The following SUPT7L variants were observed in gnomAD, a reference collection of about 807,000 sequenced individuals.
SUPT7L encodes the protein SPT7 like, STAGA complex subunit gamma.
SUPT7L carries 15 observed loss-of-function variants against 35.7 expected under a neutral mutation model. The observed-to-expected ratio is 0.42, with a 90% CI of 0.28 to 0.65. The LOEUF (loss-of-function observed/expected upper bound fraction) is 0.65. SUPT7L is among the 30% of genes least tolerant of loss of function. SUPT7L has a pLI of 0.23. For synonymous variants in SUPT7L, 168 were observed against 186.2 expected (o/e 0.90, Z 0.79); for missense variants, 434 against 522.2 (o/e 0.83, Z 1.65).
intron 3 of SUPT7L, among the ~76,000 whole-genome samples, chr2:27,658,735 T>C (rs868476263): frequency 1.3e-5 from 2 of 152,236 alleles, no homozygotes; most frequent in African/African-American, 4.8e-5. Context: ...AGATAACTAA[T>C]TGCCAAGTAA....
rs1675219137 is a variant in SUPT7L, at chr2:27,663,470, G to A, written c.-231C>T. 2.7e-6 allele frequency: 1 copy of A among 369,112 alleles called. No individual in the cohort carries two copies. Among genetic ancestry groups the A allele is most frequent in the South Asian group, 2.7e-5 (1 of 36,870 alleles). The allele number at this position is 369,112 out of a possible 1,614,324, so 22.9% of individuals were successfully genotyped here. ...ACGTTCAGGGCAGCCGGAAGACGGG[G>A]AGGTCTGGACCTGAACCGAGACAAG... is the stretch of plus-strand genomic sequence containing the variant. On this transcript the variant is annotated 5_prime_UTR_variant, in exon 1 of 6. Transcript: ENST00000337768.
intron 1 of SUPT7L, 143 bp from the exon 2 acceptor site, chr2:27,662,424 T>C: frequency 1.9e-6 from 1 of 517,310 alleles, no homozygotes; most frequent in Non-Finnish European, 3.5e-6. Flanking sequence ...TCTAACAACA[T>C]TATACTACTC....
the SUPT7L span, among the ~76,000 whole-genome samples, chr2:27,645,580 G>C: frequency 6.6e-6 from 1 of 151,876 alleles, no homozygotes; most frequent in Non-Finnish European, 1.5e-5. Context: ...GTATTTGTCA[G>C]GTCTACTTGT....
In SUPT7L at chr2:27,657,410, T is replaced by C; in HGVS notation, c.679A>G (p.Ser227Gly). The change falls in exon 4 of 6, where the codon AGT (serine) becomes GGT (glycine). Residue 227 changes from serine to glycine, a missense_variant. Physicochemically the swap from Ser to Gly is moderately conservative, Grantham distance 56. Around this residue, in one of 3 missense-constraint regions of SUPT7L, gnomAD observed 198 missense variants for 190.8 expected, o/e 1.04. Coordinates refer to ENST00000337768, the MANE Select transcript of SUPT7L (RefSeq NM_014860.3). This position sits in a 1 kb window ranked among gnomAD's most constrained non-coding sequence, Gnocchi z 5.2. ...EQVFHEVGIG[S>G]VLSLQKFWQH... ...CAGAACTTCTGGAGGGAGAGCACAC[T>C]GCCAATACCCACTTCATGGAATACC... 1 of 1,614,252 alleles carries C rather than the reference T, an allele frequency of 6.2e-7. No homozygotes were observed.
intron 3 of SUPT7L, 89 bp downstream of exon 3, chr2:27,660,895 G>C: frequency 1.4e-6 from 2 of 1,443,310 alleles, no homozygotes; most frequent in African/African-American, 1.4e-5. Context: ...CAGTTTCCTC[G>C]CATGAAAATG....
At position 27,652,205 on chromosome 2, in the gene SUPT7L, A is replaced by G. The variant is rs746916191; in HGVS notation, c.*1280T>C. On this transcript the variant is annotated 3_prime_UTR_variant, in exon 6 of 6. Transcript: ENST00000337768. ...AAAGACTGTGACAGAAAGGGTTTAG[A>G]GAAATGTGCTAAAGAGTTACAATTG... 1.3e-5 allele frequency: 2 copies of G among 152,218 alleles called. No individual in the cohort carries two copies. The highest frequency in any genetic ancestry group is 2.4e-5 in the African/African-American group (1 of 41,444). 9.4% of individuals were successfully genotyped at this position (152,218 alleles called of 1,614,324 possible).
Position 27,663,583 on chromosome 2 carries a change from A to C in SUPT7L, c.-344T>G. ...AGGCCTGAGGCAAGGATCGCGTCAGACCCCGAAAGCTGGTTTGTTGATTAG... is the reference window on the plus strand; with the variant it reads ...AGGCCTGAGGCAAGGATCGCGTCAGCCCCCGAAAGCTGGTTTGTTGATTAG... On this transcript the variant is annotated 5_prime_UTR_variant, in exon 1 of 6. Transcript: ENST00000337768. 1 of 623,286 alleles carries C rather than the reference A, an allele frequency of 1.6e-6. No homozygotes were observed. The highest frequency in any genetic ancestry group is 2.8e-6 in the Non-Finnish European group (1 of 359,416). 38.6% of individuals were successfully genotyped at this position (623,286 alleles called of 1,614,324 possible). A position where few individuals can be genotyped will look rare whatever the true frequency, so the allele number is the denominator to read the frequency against.
chr2:27,648,976 G>A (rs1674376302), downstream of SUPT7L, among the ~76,000 whole-genome samples: 1 of 151,548 alleles, frequency 6.6e-6, no homozygotes, highest in Non-Finnish European at 1.5e-5. Flanking sequence ...CGGGCACGGT[G>A]GCTCACGTCT....
intron 3 of SUPT7L, among the ~76,000 whole-genome samples, chr2:27,658,611 G>A (rs1674907565): frequency 6.6e-6 from 1 of 152,122 alleles, no homozygotes; most frequent in African/African-American, 2.4e-5. Flanking sequence ...TCCTTGGTTC[G>A]TACTTGGCAT....
chr2:27,648,717 C>T (rs902644827), downstream of SUPT7L, among the ~76,000 whole-genome samples: 1 of 152,176 alleles, frequency 6.6e-6, no homozygotes, highest in African/African-American at 2.4e-5. Flanking sequence ...CTGACTGCAA[C>T]CGCTGCCTCC....
chr2:27,660,015 A>C (rs1413537659), intron 3 of SUPT7L, among the ~76,000 whole-genome samples: 1 of 152,164 alleles, frequency 6.6e-6, no homozygotes, highest in African/African-American at 2.4e-5. Flanking sequence ...TCTAGGTTAT[A>C]AGGCAGTCAC....
At chr2:27,650,290 C>G (rs1674465514), downstream of SUPT7L, 7 of 676,294 alleles carry the variant, frequency 1.0e-5, no homozygotes, top group Non-Finnish European at 1.5e-5. Context: ...ACTGGGGGCT[C>G]CCATAAGGGA....
downstream of SUPT7L, chr2:27,647,761 TA>T: frequency 1.2e-6 from 1 of 842,558 alleles, no homozygotes; most frequent in Non-Finnish European, 2.0e-6. Flanking sequence ...CCTGCCAGTT[TA>T]TGATCATAGT....
rs10193210 is a variant in SUPT7L at position 27,652,796 on chromosome 2, C to T, written c.*689G>A. On this transcript the variant is annotated 3_prime_UTR_variant, in exon 6 of 6. Transcript: ENST00000337768. ...TGTATATGGTGAAAGTATGTGAGTC[C>T]GAGCAGAAATAACAAAGGCAAAAGG... 0.057 allele frequency: 8,720 copies of T among 152,592 alleles called. 690 individuals are homozygous for T. The highest frequency in any genetic ancestry group is 0.18 in the African/African-American group (7,501 of 41,424). 9.5% of individuals were successfully genotyped at this position (152,592 alleles called of 1,614,324 possible). A position where few individuals can be genotyped will look rare whatever the true frequency, so the allele number is the denominator to read the frequency against.
rs1403895886 is a variant in SUPT7L at position 27,661,382 on chromosome 2, C to G, written c.21G>C (p.Trp7Cys). 1 of 1,613,532 alleles carries G rather than the reference C, an allele frequency of 6.2e-7. No homozygotes were observed. Among genetic ancestry groups the G allele is most frequent in the Non-Finnish European group, 8.5e-7 (1 of 1,180,026 alleles). The change falls in exon 3 of 6, where the codon TGG (tryptophan) becomes TGC (cysteine). Residue 7 changes from tryptophan (W) to cysteine (C), a missense_variant. By Grantham distance (215) the Trp-to-Cys change is radical. Around this residue, in one of 3 missense-constraint regions of SUPT7L, gnomAD observed 77 missense variants for 114.4 expected, o/e 0.67. Coordinates refer to ENST00000337768, the MANE Select transcript of SUPT7L (RefSeq NM_014860.3). Reference protein sequence around the residue: MNLQRYWGEIPISSSQT... With the variant: MNLQRYCGEIPISSSQT... ...GGCTTGATGATATTGGTATCTCTCC[C>G]CAGTATCTCAACATTTTGGAATAAG...
At chr2:27,661,452 A>C in intron 2 of SUPT7L, 64 bp from the exon 3 acceptor site, 1 of 1,597,822 alleles carries the variant, frequency 6.3e-7, no homozygotes, top group Admixed American at 1.7e-5. Flanking sequence ...ACCTAAAAGT[A>C]ATGTGTTTAA....
downstream of SUPT7L, chr2:27,650,100 C>CT: frequency 4.0e-6 from 6 of 1,500,462 alleles, no homozygotes; most frequent in South Asian, 1.1e-5. Flanking sequence ...AAGAATTGCC[C>CT]TTTTTTCCTT....
chr2:27,655,271 GTTC>G (rs995217332), intron 5 of SUPT7L, 91 bp downstream of exon 5: 217 of 1,157,740 alleles, frequency 1.9e-4, no homozygotes, highest in Non-Finnish European at 2.6e-4. Context: ...TGCTGCTTTT[GTTC>G]TTCTACCTCT....
chr2:27,650,356 T>C, downstream of SUPT7L: 2 of 518,510 alleles, frequency 3.9e-6, no homozygotes, highest in Non-Finnish European at 3.5e-6. Context: ...GTGACTCAGA[T>C]GAAGTCAGGG....
Sources: gnomAD v4.1 joint callset for allele counts (sites outside exome capture counted in the v4.1 genomes callset) on GRCh38, gnomAD v4.1.1 for gene constraint, gnomAD v4.1.1 regional missense constraint, Gnocchi (gnomAD v3.1) non-coding constraint, MANE v1.5 for transcripts, NCBI Gene and HGNC (gene_info 2026-07-23, HGNC 2026-07-21) for gene names.